ABLIM3: variants seen among roughly 807,000 people sequenced by gnomAD.
ABLIM3 encodes the protein actin-binding LIM protein 3.
ABLIM3 carries 61 observed loss-of-function variants against 109.5 expected under a neutral mutation model. That is an observed-to-expected ratio of 0.56 (90% CI 0.45 to 0.69). ABLIM3 has a LOEUF of 0.69. Among genes scored for constraint, ABLIM3 ranks in the 30% least tolerant of loss-of-function variants. ABLIM3 has a pLI of 0.00. For synonymous variants in ABLIM3, 300 were observed against 324.8 expected (o/e 0.92, Z 0.82); for missense variants, 796 against 889.5 (o/e 0.89, Z 1.34).
chr5:149,225,036 A>C (rs1318936768), intron 8 of ABLIM3, among the ~76,000 whole-genome samples: 1 of 152,076 alleles, frequency 6.6e-6, no homozygotes, highest in East Asian at 1.9e-4. Context: ...AGCAGTGTTC[A>C]CTCCTCTCTC....
intron 16 of ABLIM3, 115 bp downstream of exon 16, chr5:149,245,130 G>A (rs1485226465): frequency 7.2e-7 from 1 of 1,390,862 alleles, no homozygotes; most frequent in Non-Finnish European, 9.8e-7. Flanking sequence ...AGTGCTTAGA[G>A]GGTTTATAAC....
intron 2 of ABLIM3, chr5:149,177,035 G>C (rs1261930201): frequency 1.3e-5 from 2 of 152,220 alleles, no homozygotes; most frequent in African/African-American, 4.8e-5. Flanking sequence ...TTTCTCATCT[G>C]TTAAGTGAAA....
At chr5:149,235,379 C>T (rs1762249498) in intron 10 of ABLIM3, among the ~76,000 whole-genome samples, 1 of 152,190 alleles carries the variant, frequency 6.6e-6, no homozygotes, top group African/African-American at 2.4e-5. Context: ...TTCTTTCAAA[C>T]TTTCAAACTT....
chr5:149,200,530 G>A (rs1233619090), intron 5 of ABLIM3, 102 bp downstream of exon 5: 2 of 1,271,012 alleles, frequency 1.6e-6, no homozygotes, highest in African/African-American at 3.0e-5. Context: ...GAGGGAAGTG[G>A]GAGAGGTTCC....
At chr5:149,147,198 G>A (rs996177699) in intron 2 of ABLIM3, among the ~76,000 whole-genome samples, 9 of 151,962 alleles carry the variant, frequency 5.9e-5, no homozygotes, top group African/African-American at 9.7e-5. Flanking sequence ...TGTTATAGGT[G>A]TATAGAAATG....
chr5:149,200,418 T>A lies in ABLIM3; in HGVS notation c.438T>A (p.Arg146=), dbSNP rs878871139. Residue 146 remains arginine, a synonymous_variant, in exon 5 of 24, where the codon CGT becomes CGA. Coordinates refer to ENST00000309868, the MANE Select transcript of ABLIM3 (RefSeq NM_014945.5). ...CCAGCAGTAAGCCCATCAAGATTCG[T>A]GGACCAAGCCGTGAGTCCTCCCCAC... is the stretch of plus-strand genomic sequence containing the variant. ...SMASSKPIKI[R]GPSHCAGCKE... is the part of the protein sequence containing the mutation. 2 of 1,614,226 alleles carry A rather than the reference T, an allele frequency of 1.2e-6. No individual in the cohort carries two copies. The highest frequency in any genetic ancestry group is 2.2e-5 in the East Asian group (1 of 44,876).
intron 2 of ABLIM3, among the ~76,000 whole-genome samples, chr5:149,157,086 C>CAGAG (rs1753921696): frequency 6.6e-6 from 1 of 152,184 alleles, no homozygotes; most frequent in Non-Finnish European, 1.5e-5. Flanking sequence ...GGAATAGACA[C>CAGAG]AGAGAGGACC....
chr5:149,250,794 A>T (rs1753846016), intron 20 of ABLIM3, among the ~76,000 whole-genome samples: 1 of 152,200 alleles, frequency 6.6e-6, no homozygotes, highest in African/African-American at 2.4e-5. Context: ...TTCACAACCC[A>T]TGGAGGCAGT....
At chr5:149,168,086 CAA>C (rs1754990608) in intron 2 of ABLIM3, among the ~76,000 whole-genome samples, 1 of 152,138 alleles carries the variant, frequency 6.6e-6, no homozygotes, top group African/African-American at 2.4e-5. Context: ...TTGTGACAAC[CAA>C]AAATGTCTTC....
chr5:149,188,405 G>A (rs897850964), intron 3 of ABLIM3, among the ~76,000 whole-genome samples: 2 of 152,146 alleles, frequency 1.3e-5, no homozygotes, highest in African/African-American at 4.8e-5. Flanking sequence ...CAGTTCCACT[G>A]GCAATAGCAT....
intron 5 of ABLIM3, among the ~76,000 whole-genome samples, chr5:149,203,240 C>T (rs1355827234): frequency 2.0e-5 from 3 of 151,920 alleles, no homozygotes; most frequent in Admixed American, 2.0e-4. Flanking sequence ...AGTGCCACCA[C>T]CATCATCACC....
intron 8 of ABLIM3, among the ~76,000 whole-genome samples, chr5:149,226,328 A>G (rs1308122372): frequency 6.6e-6 from 1 of 152,066 alleles, no homozygotes; most frequent in Non-Finnish European, 1.5e-5. Context: ...TACTAAAAAT[A>G]CAAAAAATTA....
intron 7 of ABLIM3, among the ~76,000 whole-genome samples, chr5:149,212,872 C>G (rs998726025): frequency 6.6e-6 from 1 of 152,096 alleles, no homozygotes; most frequent in African/African-American, 2.4e-5. Flanking sequence ...CACCTGTAAT[C>G]CCAGCACTTT....
At chr5:149,212,547 G>T (rs1018306585) in intron 7 of ABLIM3, among the ~76,000 whole-genome samples, 2 of 152,144 alleles carry the variant, frequency 1.3e-5, no homozygotes, top group African/African-American at 4.8e-5. Flanking sequence ...GACTCAAGAG[G>T]TACAGTAGCA....
chr5:149,247,633 G>T, intron 17 of ABLIM3, 149 bp from the exon 18 acceptor site: 1 of 1,000,248 alleles, frequency 1.0e-6, no homozygotes, highest in Non-Finnish European at 1.5e-6. Context: ...CAGGAAACAT[G>T]GGTGCCACAA....
chr5:149,188,236 T>C (rs1757159251), intron 3 of ABLIM3, among the ~76,000 whole-genome samples: 1 of 152,136 alleles, frequency 6.6e-6, no homozygotes, highest in South Asian at 2.1e-4. Context: ...TAATCTCTAT[T>C]TGCACATGAC....
At chr5:149,194,178 G>C (rs946275259) in intron 3 of ABLIM3, among the ~76,000 whole-genome samples, 1 of 152,016 alleles carries the variant, frequency 6.6e-6, no homozygotes, top group African/African-American at 2.4e-5. Context: ...ATAAATGACT[G>C]AAAAAGGATT....
intron 3 of ABLIM3, among the ~76,000 whole-genome samples, chr5:149,184,780 T>C (rs1756793659): frequency 6.6e-6 from 1 of 152,220 alleles, no homozygotes. Flanking sequence ...CTCAGTCTCA[T>C]GCACCTGAGA....
intron 14 of ABLIM3, among the ~76,000 whole-genome samples, chr5:149,241,217 C>T (rs942932794): frequency 3.9e-5 from 6 of 152,246 alleles, no homozygotes; most frequent in African/African-American, 1.4e-4. Context: ...AAGCACTGTT[C>T]TGGGCTCAGA....
Sources: gnomAD v4.1 joint callset for allele counts (sites outside exome capture counted in the v4.1 genomes callset) on GRCh38, gnomAD v4.1.1 for gene constraint, MANE v1.5 for transcripts, NCBI Gene and HGNC (gene_info 2026-07-23, HGNC 2026-07-21) for gene names.